Variants in ATR observed in about 807,000 individuals in gnomAD.
ATR encodes the protein serine/threonine-protein kinase ATR.
A neutral mutation model predicts 305.3 loss-of-function variants in ATR; 142 were observed. That is an observed-to-expected ratio of 0.47 (90% confidence interval 0.41 to 0.53). The LOEUF is 0.53. Ranked by LOEUF, ATR falls within the 20% of genes least tolerant of loss-of-function variation. ATR has a pLI of 0.00. For synonymous variants in ATR, 1,050 were observed against 1,068.1 expected (o/e 0.98, Z 0.33); for missense variants, 2,135 against 3,133.1 (o/e 0.68, Z 7.60).
chr3:142,547,679 A>G, intron 16 of ATR, 46 bp downstream of exon 16: 1 of 1,582,106 alleles, frequency 6.3e-7, no homozygotes, highest in Non-Finnish European at 8.7e-7. Flanking sequence ...TAAGCTGCAA[A>G]AGGAAGAAAA....
At position 142,512,429 on chromosome 3, in the gene ATR, C is replaced by T. The variant is rs1399914452; in HGVS notation, c.4683G>A (p.Gln1561=). The T allele has an allele frequency of 6.2e-7, 1 of 1,613,462 alleles. No homozygotes were observed. Among genetic ancestry groups the T allele is most frequent in the Non-Finnish European group, 8.5e-7 (1 of 1,179,650 alleles). ...CAATGTCTTGGGTATTTATGGTATG[C>T]TGATCGTCATGCTTTAGAACTGCCA... ...EIMAVLKHDD[Q]HTINTQDIAS... Residue 1561 remains glutamine (Q), a synonymous_variant, in exon 27 of 47, where the codon CAG becomes CAA. Transcript: ENST00000350721.
intron 2 of ATR, among the ~76,000 whole-genome samples, chr3:142,567,149 G>A (rs2035102606): frequency 6.6e-6 from 1 of 152,244 alleles, no homozygotes; most frequent in South Asian, 2.1e-4. Context: ...GCCAGGCAAT[G>A]CTAAAATCTA....
chr3:142,536,093 T>G lies in ATR; in HGVS notation c.3819+15A>C, dbSNP rs2033848878. On this transcript the variant is annotated intron_variant, in intron 20 of 46. Coordinates refer to ENST00000350721, the MANE Select transcript of ATR (RefSeq NM_001184.4). ...TATTAATGATCTCCTAAACCACAAA[T>G]TAAAAATTAAATACCTTTCTGTATT... 6.6e-7 allele frequency: 1 copy of G among 1,513,788 alleles called. No individual in the cohort carries two copies. The highest frequency in any genetic ancestry group is 1.4e-5 in the African/African-American group (1 of 72,722). 93.8% of individuals were successfully genotyped at this position (1,513,788 alleles called of 1,614,324 possible).
In ATR at chr3:142,549,579, T is replaced by C. The variant is rs765651974; in HGVS notation, c.3071A>G (p.Asn1024Ser). 2.4e-5 allele frequency: 38 copies of C among 1,612,864 alleles called. No individual in the cohort carries two copies. Among genetic ancestry groups the C allele is most frequent in the Non-Finnish European group, 3.0e-5 (35 of 1,179,242 alleles). The change falls in exon 15 of 47, where the codon AAT becomes AGT. Residue 1024 changes from asparagine to serine, a missense_variant. Asn to Ser is a conservative substitution (Grantham distance 46, BLOSUM62 1). Coordinates refer to ENST00000350721, the MANE Select transcript of ATR (RefSeq NM_001184.4). ...IRTLGKQLNV[N>S]RREILINNFK... ...GTTGTTTATTAAAATCTCTCTACGA[T>C]TGACATTTAATTGTTTTCCTAAAGT...
chr3:142,508,492 A>C (rs2032370537), intron 27 of ATR, among the ~76,000 whole-genome samples: 2 of 152,194 alleles, frequency 1.3e-5, no homozygotes. Context: ...TGATGACTAT[A>C]AAAAATGATT....
Position 142,483,080 on chromosome 3 carries a change from A to T in ATR, c.6221+2060T>A, listed in dbSNP as rs184067609. Among the ~76,000 whole-genome samples the T allele has an allele frequency of 6.2e-4, 91 of 145,928 alleles. 1 individual carries two copies. The East Asian group carries it at 0.017, about 28-fold the overall frequency. On this transcript the variant is annotated intron_variant, in intron 36 of 46. Transcript: ENST00000350721. Reference sequence around the variant, plus strand: ...CTGTGCAGTGGTGCAATCACAGCTCACCACTGCCTTGACGTCCCAGGTTCA... The same window carrying T: ...CTGTGCAGTGGTGCAATCACAGCTCTCCACTGCCTTGACGTCCCAGGTTCA...
chr3:142,505,605 T>C (rs1327631785), intron 28 of ATR, among the ~76,000 whole-genome samples: 1 of 152,216 alleles, frequency 6.6e-6, no homozygotes, highest in African/African-American at 2.4e-5. Context: ...GATAACATAT[T>C]CTGTTGAGTA....
chr3:142,549,774 T>C, intron 14 of ATR, 101 bp from the exon 15 acceptor site: 1 of 1,069,316 alleles, frequency 9.4e-7, no homozygotes, highest in Admixed American at 2.1e-5. Context: ...CCACACATAT[T>C]TGGAGTCCAC....
At chr3:142,473,390 T>C (rs2071344150) in intron 36 of ATR, among the ~76,000 whole-genome samples, 1 of 152,184 alleles carries the variant, frequency 6.6e-6, no homozygotes, top group South Asian at 2.1e-4. Flanking sequence ...GGCACCTTTG[T>C]CAAAGATCAA....
intron 21 of ATR, among the ~76,000 whole-genome samples, chr3:142,525,879 G>A (rs922570972): frequency 3.9e-5 from 6 of 152,136 alleles, no homozygotes; most frequent in African/African-American, 1.4e-4. Context: ...CTGGCACCAT[G>A]CTTCTTGTAT....
intron 13 of ATR, among the ~76,000 whole-genome samples, chr3:142,551,416 C>T (rs1411291461): frequency 6.6e-6 from 1 of 152,042 alleles, no homozygotes; most frequent in Non-Finnish European, 1.5e-5. Context: ...GCCTGGACAA[C>T]AGAGTGAAAT....
intron 13 of ATR, 39 bp downstream of exon 13, chr3:142,553,188 C>T (rs2108461905): frequency 6.3e-7 from 1 of 1,595,022 alleles, no homozygotes; most frequent in Non-Finnish European, 8.6e-7. Context: ...TTAAAAAGTA[C>T]TGCTGTTGCC....
At chr3:142,552,342 C>G (rs2034502334) in intron 13 of ATR, among the ~76,000 whole-genome samples, 1 of 152,114 alleles carries the variant, frequency 6.6e-6, no homozygotes, top group South Asian at 2.1e-4. Context: ...AGTAAAGATA[C>G]ATGCACATGT....
At chr3:142,478,427 T>C (rs1030639939) in intron 36 of ATR, among the ~76,000 whole-genome samples, 2 of 152,252 alleles carry the variant, frequency 1.3e-5, no homozygotes, top group Non-Finnish European at 2.9e-5. Context: ...TCCTGGGTTC[T>C]AGTTTGATTG....
chr3:142,480,256 T>C (rs1033161433), intron 36 of ATR, among the ~76,000 whole-genome samples: 1 of 152,226 alleles, frequency 6.6e-6, no homozygotes, highest in Non-Finnish European at 1.5e-5. Context: ...GACGTACAGA[T>C]GCGGTTTTGG....
At chr3:142,452,728 C>T (rs772334043) in intron 46 of ATR, 97 of 1,064,248 alleles carry the variant, frequency 9.1e-5, no homozygotes, top group Non-Finnish European at 1.0e-4. Context: ...TATCTGCAAA[C>T]TTTGCAGCTT....
chr3:142,552,159 G>A (rs189042572), intron 13 of ATR, among the ~76,000 whole-genome samples: 4 of 152,168 alleles, frequency 2.6e-5, no homozygotes, highest in East Asian at 1.9e-4. Flanking sequence ...CAAGGTTTCC[G>A]AGAAAAGGGA....
chr3:142,450,655 GGTCA>G lies in ATR; in HGVS notation c.7762-1057_7762-1054del, dbSNP rs2070767846. The G allele has an allele frequency of 3.7e-6, 6 of 1,604,840 alleles. No individual in the cohort carries two copies. The South Asian group carries it at 4.4e-5, about 12-fold the overall frequency. On this transcript the variant is annotated intron_variant, in intron 46 of 46. Coordinates refer to ENST00000350721, the MANE Select transcript of ATR (RefSeq NM_001184.4). ...ATACAAGGTCAGGAATAAATTAGATGGTCAGTATTATGCAATTTAAAAAATCCTG... is the reference window on the plus strand; with the variant it reads ...ATACAAGGTCAGGAATAAATTAGATGGTATTATGCAATTTAAAAAATCCTG...
intron 30 of ATR, 103 bp from the exon 31 acceptor site, chr3:142,499,821 T>C (rs892169035): frequency 4.4e-6 from 4 of 917,520 alleles, no homozygotes; most frequent in African/African-American, 1.7e-5. Flanking sequence ...TTATTGAATT[T>C]GCATTATATT....
Sources: gnomAD v4.1 joint callset for allele counts (sites outside exome capture counted in the v4.1 genomes callset) on GRCh38, gnomAD v4.1.1 for gene constraint, MANE v1.5 for transcripts, NCBI Gene and HGNC (gene_info 2026-07-23, HGNC 2026-07-21) for gene names.